The following UNC80 variants were observed in gnomAD, a reference collection of about 807,000 sequenced individuals.
UNC80 encodes the protein protein unc-80 homolog.
UNC80 carries 164 observed loss-of-function variants against 384.6 expected under a neutral mutation model. That is an observed-to-expected ratio of 0.43 (90% CI 0.38 to 0.49). UNC80 has a LOEUF of 0.49. Among genes scored for constraint, UNC80 ranks in the 20% least tolerant of loss-of-function variants. The probability of loss-of-function intolerance (pLI) is 0.00; values close to 1 mark genes in which losing one functional copy is unlikely to be tolerated. For missense variants in UNC80, 3,330 were observed against 4,143.0 expected (o/e 0.80, Z 5.39); for synonymous variants, 1,486 against 1,527.8 (o/e 0.97, Z 0.64).
Position 209,847,473 on chromosome 2 carries a change from C to T in UNC80, c.3455-1978C>T, listed in dbSNP as rs114940399. On this transcript the variant is annotated intron_variant, in intron 21 of 64. Coordinates refer to ENST00000673920, the MANE Select transcript of UNC80 (RefSeq NM_001371986.1). ...GCTTTTATTAATAACATGATTCTTA[C>T]GTCCTGTGCTTATAGGATTCTGCTG... Among the ~76,000 whole-genome samples, 1,031 of 151,796 alleles carry T rather than the reference C, an allele frequency of 6.8e-3. 6 individuals are homozygous for T. Among genetic ancestry groups the T allele is most frequent in the African/African-American group, 0.023 (962 of 41,360 alleles).
chr2:209,876,712 G>A lies in UNC80; in HGVS notation c.3841-1242G>A, dbSNP rs149459204. Among the ~76,000 whole-genome samples the A allele has an allele frequency of 3.3e-3, 508 of 152,242 alleles. 2 individuals are homozygous for A. The highest frequency in any genetic ancestry group is 5.6e-3 in the Non-Finnish European group (379 of 68,006). ...CACCAAGATAAGTCTTTTTGTTGTG[G>A]TGGTGGTTTTGTTTTTACGATTTGT... On this transcript the variant is annotated intron_variant, in intron 23 of 64. Coordinates refer to ENST00000673920, the MANE Select transcript of UNC80 (RefSeq NM_001371986.1).
intron 5 of UNC80, among the ~76,000 whole-genome samples, chr2:209,788,079 A>T (rs184524457): frequency 7.2e-5 from 11 of 152,286 alleles, no homozygotes; most frequent in Middle Eastern, 6.8e-3. Context: ...AAAAATAGGA[A>T]TGCCTGGCAC....
At position 209,817,821 on chromosome 2, in the gene UNC80, C is replaced by A; in HGVS notation, c.1562C>A (p.Thr521Asn). ...CTCTTATTCATCCCAGGGAAATTGA[C>A]CCGGCGAGGCAGTTCAGATGCAGCC... ...GWQTTILGKL[T>N]RRGSSDAATE... Residue 521 changes from threonine (T) to asparagine (N), a missense_variant, in exon 11 of 65, where the codon ACC becomes AAC. Around this residue, in one of 8 missense-constraint regions of UNC80, gnomAD observed 937 missense variants for 1,026.8 expected, o/e 0.91. Coordinates refer to ENST00000673920, the MANE Select transcript of UNC80 (RefSeq NM_001371986.1). 6.4e-7 allele frequency: 1 copy of A among 1,551,494 alleles called. No homozygotes were observed. Among genetic ancestry groups the A allele is most frequent in the South Asian group, 1.2e-5 (1 of 84,032 alleles).
chr2:209,971,954 T>A (rs762198110), intron 54 of UNC80, among the ~76,000 whole-genome samples: 2 of 152,226 alleles, frequency 1.3e-5, no homozygotes, highest in Non-Finnish European at 2.9e-5. Context: ...TGACCATAAG[T>A]ATTCTAATTT....
intron 25 of UNC80, 28 bp downstream of exon 25, chr2:209,881,122 C>G: frequency 1.3e-6 from 2 of 1,550,952 alleles, no homozygotes; most frequent in Non-Finnish European, 1.7e-6. Flanking sequence ...AGTTAATAAT[C>G]AGGTTACTCG....
chr2:209,918,662 C>T lies in UNC80; in HGVS notation c.5342C>T (p.Ser1781Phe), dbSNP rs2089762795. ...SVQDPINEDQ[S>F]KSFSARAVSR... ...CAGGACCCCATTAATGAAGACCAGT[C>T]TGTGAGTAACAGACACTTCCAGGTT... The change falls in exon 33 of 65, where the codon TCT becomes TTT. Residue 1781 changes from serine to phenylalanine, a missense_variant and splice_region_variant. Coordinates refer to ENST00000673920, the MANE Select transcript of UNC80 (RefSeq NM_001371986.1). 6.5e-7 allele frequency: 1 copy of T among 1,545,126 alleles called. No individual in the cohort carries two copies. The highest frequency in any genetic ancestry group is 8.8e-7 in the Non-Finnish European group (1 of 1,142,752).
At chr2:209,910,754 G>GA (rs1210098517) in intron 29 of UNC80, among the ~76,000 whole-genome samples, 3 of 149,250 alleles carry the variant, frequency 2.0e-5, no homozygotes, top group South Asian at 2.1e-4. Context: ...AATTCCTGGA[G>GA]AAAAAATGTC....
chr2:209,957,819 G>T, intron 49 of UNC80, 83 bp downstream of exon 49: 1 of 1,288,600 alleles, frequency 7.8e-7, no homozygotes, highest in South Asian at 1.4e-5. Context: ...AAGGAACCCT[G>T]AACATAGTCA....
At chr2:209,880,203 C>G (rs551881552) in intron 24 of UNC80, among the ~76,000 whole-genome samples, 163 of 152,108 alleles carry the variant, frequency 1.1e-3, no homozygotes, top group Non-Finnish European at 2.0e-3. Flanking sequence ...TTAAAAAAAT[C>G]ACTATGGTGT....
intron 5 of UNC80, among the ~76,000 whole-genome samples, chr2:209,788,402 AG>A (rs2077584189): frequency 6.6e-6 from 1 of 151,206 alleles, no homozygotes; most frequent in Admixed American, 6.6e-5. Context: ...GGGCAACAAG[AG>A]CAAAACTCCA....
chr2:209,800,268 CT>C (rs1374369215), intron 7 of UNC80, among the ~76,000 whole-genome samples: 4 of 152,108 alleles, frequency 2.6e-5, no homozygotes. Context: ...GATTCAAATT[CT>C]TCCTGGTTTA....
At chr2:209,886,033 G>T (rs1431110265) in intron 25 of UNC80, among the ~76,000 whole-genome samples, 2 of 151,932 alleles carry the variant, frequency 1.3e-5, no homozygotes, top group Non-Finnish European at 2.9e-5. Flanking sequence ...AAACTGCTGG[G>T]ATTACAGGTG....
intron 18 of UNC80, among the ~76,000 whole-genome samples, chr2:209,838,514 G>T (rs55928661): frequency 0.02 from 2,996 of 152,204 alleles, 111 homozygotes; most frequent in African/African-American, 0.068. Flanking sequence ...CTTACTGGTT[G>T]TAGGATAATG....
At chr2:209,890,054 C>CTAT (rs944738925) in intron 26 of UNC80, among the ~76,000 whole-genome samples, 1 of 151,800 alleles carries the variant, frequency 6.6e-6, no homozygotes, top group Non-Finnish European at 1.5e-5. Flanking sequence ...AAGTAGTTTA[C>CTAT]TATTATTATT....
chr2:209,985,715 G>A (rs917136469), intron 61 of UNC80, among the ~76,000 whole-genome samples: 1 of 152,156 alleles, frequency 6.6e-6, no homozygotes, highest in South Asian at 2.1e-4. Context: ...TAGGGGTAAG[G>A]CTTCTTGTTC....
intron 6 of UNC80, among the ~76,000 whole-genome samples, chr2:209,790,402 A>G (rs180845384): frequency 6.6e-6 from 1 of 152,222 alleles, no homozygotes; most frequent in East Asian, 1.9e-4. Context: ...TATTACATCT[A>G]CCATTTAGTG....
At chr2:209,856,131 T>G (rs1229049873) in intron 22 of UNC80, among the ~76,000 whole-genome samples, 1 of 152,160 alleles carries the variant, frequency 6.6e-6, no homozygotes, top group East Asian at 1.9e-4. Flanking sequence ...GCCAACACTG[T>G]ATTGTCCAAT....
chr2:209,854,654 C>T (rs1017178915), intron 22 of UNC80, among the ~76,000 whole-genome samples: 1 of 151,804 alleles, frequency 6.6e-6, no homozygotes, highest in East Asian at 1.9e-4. Flanking sequence ...GAACCCTTCT[C>T]AAAAGAAAAC....
intron 60 of UNC80, 33 bp downstream of exon 60, chr2:209,982,350 T>C: frequency 6.7e-7 from 1 of 1,495,072 alleles, no homozygotes; most frequent in Non-Finnish European, 8.9e-7. Context: ...TACTCTGCAT[T>C]TGGGGGCAAA....
Sources: gnomAD v4.1 joint callset for allele counts (sites outside exome capture counted in the v4.1 genomes callset) on GRCh38, gnomAD v4.1.1 for gene constraint, gnomAD v4.1.1 regional missense constraint, MANE v1.5 for transcripts, NCBI Gene and HGNC (gene_info 2026-07-23, HGNC 2026-07-21) for gene names.